AIFM1: variants seen among roughly 807,000 people sequenced by gnomAD.
The protein encoded by AIFM1 is apoptosis-inducing factor 1, mitochondrial.
AIFM1 carries 3 observed loss-of-function variants against 51.7 expected under a neutral mutation model. That is an observed-to-expected ratio of 0.06 (90% confidence interval 0.03 to 0.15). The LOEUF (loss-of-function observed/expected upper bound fraction) is 0.15. Ranked by LOEUF, AIFM1 falls within the 10% of genes least tolerant of loss-of-function variation. The probability of loss-of-function intolerance (pLI) is 1.00; values close to 1 mark genes in which losing one functional copy is unlikely to be tolerated. For synonymous variants in AIFM1, 178 were observed against 179.4 expected, an observed-to-expected ratio of 0.99 and a Z score of 0.06; for missense variants, 330 against 476.8, an observed-to-expected ratio of 0.69 and a Z score of 2.87.
intron 14 of AIFM1, among the ~76,000 whole-genome samples, chrX:130,131,119 G>A (rs937043081): frequency 1.8e-5 from 2 of 111,499 alleles, no homozygotes; most frequent in Admixed American, 9.6e-5. Flanking sequence ...ATGTGTGGGA[G>A]AGAAGTCCAT....
intron 9 of AIFM1, 142 bp downstream of exon 9, chrX:130,138,451 C>G (rs1185107102): frequency 2.0e-6 from 1 of 488,798 alleles, no homozygotes; most frequent in Non-Finnish European, 3.5e-6. Context: ...GGTGACAGAG[C>G]GAGACTCCAT....
chrX:130,140,017 T>G, intron 7 of AIFM1, 146 bp from the exon 8 acceptor site: 1 of 539,078 alleles, frequency 1.9e-6, no homozygotes, highest in South Asian at 2.5e-5. Flanking sequence ...TTGTTTGCCT[T>G]CAGCTTGCCT....
chrX:130,129,963 C>A lies in AIFM1; in HGVS notation c.1770+7G>T, dbSNP rs750502653. 2.1e-5 allele frequency: 25 copies of A among 1,209,543 alleles called. No homozygotes were observed. The highest frequency in any genetic ancestry group is 5.2e-5 in the African/African-American group (3 of 57,248). On this transcript the variant is annotated splice_region_variant and intron_variant, in intron 15 of 15. Transcript: ENST00000287295. ...ATCTTCCTCTAAGAGTTATGACAGG[C>A]ACCTACCTTCCTTGCTATTGGCATT...
intron 12 of AIFM1, among the ~76,000 whole-genome samples, chrX:130,134,000 T>C (rs756315845): frequency 9.0e-6 from 1 of 110,774 alleles, no homozygotes; most frequent in African/African-American, 3.3e-5. Context: ...CCCAGCACTT[T>C]GGGAGACCAA....
At chrX:130,138,262 G>A (rs759865484) in intron 9 of AIFM1, among the ~76,000 whole-genome samples, 1 of 110,564 alleles carries the variant, frequency 9.0e-6, no homozygotes, top group Non-Finnish European at 1.9e-5. Context: ...TCAGGAGATC[G>A]AGACAGTCCT....
chrX:130,138,470 A>C, intron 9 of AIFM1, 123 bp downstream of exon 9: 2 of 570,585 alleles, frequency 3.5e-6, no homozygotes, highest in Non-Finnish European at 5.9e-6. Context: ...ATCTCAAAAA[A>C]AAATAAATAA....
chrX:130,130,848 C>T (rs2030039930), intron 14 of AIFM1, among the ~76,000 whole-genome samples: 1 of 112,070 alleles, frequency 8.9e-6, no homozygotes, highest in Non-Finnish European at 1.9e-5. Context: ...TTGCTGAGAA[C>T]CACCAGCCTC....
At chrX:130,137,432 C>G (rs1460818143) in intron 9 of AIFM1, 2 of 1,163,431 alleles carry the variant, frequency 1.7e-6, no homozygotes, top group Non-Finnish European at 2.3e-6. Flanking sequence ...ACTCTGTGCA[C>G]TTCCACCCAT....
At chrX:130,129,729 G>A (rs1056669652) in intron 15 of AIFM1, 101 bp from the exon 16 acceptor site, 13 of 857,624 alleles carry the variant, frequency 1.5e-5, no homozygotes, top group Admixed American at 1.4e-4. Flanking sequence ...TATCACACTG[G>A]GAGGGAGTTG....
chrX:130,145,630 T>C, intron 5 of AIFM1, 61 bp from the exon 6 acceptor site: 3 of 904,003 alleles, frequency 3.3e-6, no homozygotes, highest in Admixed American at 4.6e-5. Flanking sequence ...GCTTCCCCCG[T>C]AGCTTTAATA....
At chrX:130,157,700 C>T (rs750584364) in intron 1 of AIFM1, among the ~76,000 whole-genome samples, 1 of 111,130 alleles carries the variant, frequency 9.0e-6, no homozygotes, top group Admixed American at 9.5e-5. Context: ...GGCGTGGTGG[C>T]TCACGCCTGT....
At chrX:130,165,475 T>A in intron 1 of AIFM1, 76 bp downstream of exon 1, 1 of 866,210 alleles carries the variant, frequency 1.2e-6, no homozygotes, top group Non-Finnish European at 1.7e-6. Context: ...GACGCGGGGG[T>A]AGAGGGCTGC....
chrX:130,147,382 T>C, intron 5 of AIFM1, 111 bp downstream of exon 5: 4 of 988,409 alleles, frequency 4.0e-6, no homozygotes, highest in Non-Finnish European at 5.7e-6. Flanking sequence ...TAGACTCTAG[T>C]GGACAGCCAA....
chrX:130,161,554 C>T (rs1401862848), intron 1 of AIFM1, among the ~76,000 whole-genome samples: 2 of 105,166 alleles, frequency 1.9e-5, no homozygotes, highest in African/African-American at 3.4e-5. Flanking sequence ...CCTAGATAGT[C>T]TGTCCATTGT....
intron 1 of AIFM1, among the ~76,000 whole-genome samples, chrX:130,157,150 T>C (rs917270779): frequency 8.9e-6 from 1 of 111,811 alleles, no homozygotes; most frequent in Non-Finnish European, 1.9e-5. Flanking sequence ...AATGAGTTTC[T>C]CTCCCCCAAA....
intron 12 of AIFM1, among the ~76,000 whole-genome samples, chrX:130,134,081 C>CA (rs2030223657): frequency 9.1e-6 from 1 of 109,999 alleles, no homozygotes; most frequent in Non-Finnish European, 1.9e-5. Flanking sequence ...ACTAAAAATA[C>CA]AAAAAATTAG....
At chrX:130,144,991 C>G (rs2030704152) in intron 6 of AIFM1, among the ~76,000 whole-genome samples, 1 of 111,974 alleles carries the variant, frequency 8.9e-6, no homozygotes, top group African/African-American at 3.2e-5. Context: ...AGTTTACACA[C>G]ACACTCTAGT....
chrX:130,137,795 A>T (rs2030407843), intron 9 of AIFM1: 5 of 952,125 alleles, frequency 5.3e-6, no homozygotes, highest in Non-Finnish European at 6.5e-6. Flanking sequence ...AGGTGCAGTG[A>T]CTCACACCTA....
In AIFM1 at chrX:130,130,018, C is replaced by A; in HGVS notation, c.1722G>T (p.Val574=). 2 of 1,211,690 alleles carry A rather than the reference C, an allele frequency of 1.7e-6. No individual in the cohort carries two copies. Among genetic ancestry groups the A allele is most frequent in the Non-Finnish European group, 2.2e-6 (2 of 895,520 alleles). ...TAAAGATGTTCCATAGCACAATCCC[C>A]ACGACCACTTTGTCCCTGAGGTAGA... ...VIFYLRDKVV[V]GIVLWNIFNR... is the part of the protein sequence containing the mutation. Residue 574 remains valine, a synonymous_variant, in exon 15 of 16, where the codon GTG becomes GTT. Transcript: ENST00000287295.
Sources: allele counts gnomAD v4.1 joint callset (sites outside exome capture counted in the v4.1 genomes callset), GRCh38; gene constraint gnomAD v4.1.1; transcripts MANE v1.5; gene names NCBI Gene and HGNC (gene_info 2026-07-23, HGNC 2026-07-21).